F13A1: variants seen among roughly 807,000 people sequenced by gnomAD.
F13A1 encodes coagulation factor XIII A chain.
In F13A1, 47 loss-of-function variants were observed where a neutral mutation model predicts 80.1. The ratio of observed to expected loss-of-function variants is 0.59; its 90% CI spans 0.46 to 0.75. F13A1 has a LOEUF of 0.75. Ranked by LOEUF, F13A1 falls within the 30% of genes least tolerant of loss-of-function variation. F13A1 has a pLI of 0.00. For synonymous variants in F13A1, 349 were observed against 344.9 expected (o/e 1.01, Z -0.13); for missense variants, 817 against 930.4 (o/e 0.88, Z 1.59).
intron 3 of F13A1, among the ~76,000 whole-genome samples, chr6:6,294,124 G>C (rs922083802): frequency 6.6e-5 from 10 of 152,056 alleles, no homozygotes; most frequent in Non-Finnish European, 1.2e-4. Flanking sequence ...GTTTTTTTAA[G>C]TATATAGTGA....
At chr6:6,264,350 T>C (rs905604687) in intron 4 of F13A1, among the ~76,000 whole-genome samples, 1 of 152,214 alleles carries the variant, frequency 6.6e-6, no homozygotes, top group Non-Finnish European at 1.5e-5. Context: ...TGAACAGTTA[T>C]ATGTAGCCTA....
At chr6:6,271,375 T>A (rs1336291557) in intron 3 of F13A1, among the ~76,000 whole-genome samples, 2 of 152,168 alleles carry the variant, frequency 1.3e-5, no homozygotes, top group African/African-American at 2.4e-5. Flanking sequence ...ACAATCCAGC[T>A]ACCCTGGGAA....
intron 8 of F13A1, among the ~76,000 whole-genome samples, chr6:6,207,903 C>T (rs1449580579): frequency 6.6e-6 from 1 of 152,190 alleles, no homozygotes; most frequent in African/African-American, 2.4e-5. Context: ...ACAACAACAA[C>T]AGCAAACATC....
rs140870302 is a variant in F13A1 at position 6,183,165 on chromosome 6, T to C, written c.1306-1024A>G. Among the ~76,000 whole-genome samples the C allele has an allele frequency of 3.0e-4, 45 of 152,318 alleles. 1 individual carries two copies. The East Asian group carries it at 5.6e-3, about 19-fold the overall frequency. ...ATGGAAGCAGGTAGGAAGCATGAAT[T>C]GTACTGCTAATAGTCATTGATGTAT... On this transcript the variant is annotated intron_variant, in intron 10 of 14. Transcript: ENST00000264870.
intron 3 of F13A1, among the ~76,000 whole-genome samples, chr6:6,277,575 G>A (rs1758005546): frequency 6.6e-6 from 1 of 152,188 alleles, no homozygotes; most frequent in Non-Finnish European, 1.5e-5. Flanking sequence ...ATCACCAGAT[G>A]CTGACTAACT....
At chr6:6,254,898 TAA>T (rs1757683350) in intron 4 of F13A1, among the ~76,000 whole-genome samples, 1 of 152,308 alleles carries the variant, frequency 6.6e-6, no homozygotes, top group Non-Finnish European at 1.5e-5. Context: ...TTCCATCAGA[TAA>T]AGTTATTTTC....
rs148922068 is a variant in F13A1, at chr6:6,280,572, T to G, written c.320-13763A>C. Among the ~76,000 whole-genome samples the G allele has an allele frequency of 8.3e-4, 126 of 152,342 alleles. 1 individual carries two copies. The highest frequency in any genetic ancestry group is 2.8e-3 in the African/African-American group (117 of 41,570). On this transcript the variant is annotated intron_variant, in intron 3 of 14. Coordinates refer to ENST00000264870, the MANE Select transcript of F13A1 (RefSeq NM_000129.4). Reference sequence around the variant, plus strand: ...ACTTTTAAAAAACTGTATTCAAGCCTAGTTTTTTGCAAGTGACATAGATAA... The same window carrying G: ...ACTTTTAAAAAACTGTATTCAAGCCGAGTTTTTTGCAAGTGACATAGATAA...
intron 3 of F13A1, among the ~76,000 whole-genome samples, chr6:6,268,114 A>G (rs1213405391): frequency 6.6e-6 from 1 of 152,250 alleles, no homozygotes; most frequent in Non-Finnish European, 1.5e-5. Flanking sequence ...TAATTTAAAG[A>G]CTACTTCTGA....
At chr6:6,234,386 G>A (rs1455885661) in intron 6 of F13A1, among the ~76,000 whole-genome samples, 1 of 151,894 alleles carries the variant, frequency 6.6e-6, no homozygotes, top group Non-Finnish European at 1.5e-5. Context: ...AGGGAATATG[G>A]TACCTATCAT....
intron 4 of F13A1, among the ~76,000 whole-genome samples, chr6:6,256,157 T>A (rs1438701268): frequency 6.6e-6 from 1 of 152,056 alleles, no homozygotes; most frequent in Non-Finnish European, 1.5e-5. Context: ...GCTCGACTAA[T>A]AGGAAAAACA....
At chr6:6,147,137 G>T (rs185632204) in intron 14 of F13A1, among the ~76,000 whole-genome samples, 116 of 152,250 alleles carry the variant, frequency 7.6e-4, no homozygotes, top group Middle Eastern at 3.4e-3. Context: ...GAACAATGAC[G>T]CAATGGTCTT....
chr6:6,320,596 C>T lies in F13A1; in HGVS notation c.-28G>A, dbSNP rs886061662. 3 of 469,080 alleles carry T rather than the reference C, an allele frequency of 6.4e-6. No individual in the cohort carries two copies. The highest frequency in any genetic ancestry group is 1.3e-5 in the Non-Finnish European group (3 of 225,994). 29.1% of individuals were successfully genotyped at this position (469,080 alleles called of 1,614,324 possible). Reference sequence around the variant, plus strand: ...AGGGTCGGTGGCTTACCTGCAGGCGCTCCCCTCCAGAGGTGCCCTCGCGTG... The same window carrying T: ...AGGGTCGGTGGCTTACCTGCAGGCGTTCCCCTCCAGAGGTGCCCTCGCGTG... On this transcript the variant is annotated 5_prime_UTR_variant, in exon 1 of 15. Coordinates refer to ENST00000264870, the MANE Select transcript of F13A1 (RefSeq NM_000129.4).
intron 3 of F13A1, among the ~76,000 whole-genome samples, chr6:6,282,537 A>G (rs1758080918): frequency 6.6e-6 from 1 of 152,236 alleles, no homozygotes; most frequent in African/African-American, 2.4e-5. Context: ...CTATAAAAGG[A>G]ACAAAGAATA....
intron 6 of F13A1, among the ~76,000 whole-genome samples, chr6:6,232,668 A>C (rs1390356316): frequency 6.6e-6 from 1 of 151,304 alleles, no homozygotes. Flanking sequence ...TCAACAGTGC[A>C]TAAAACTTTC....
chr6:6,260,390 G>A (rs1757762257), intron 4 of F13A1, among the ~76,000 whole-genome samples: 1 of 152,182 alleles, frequency 6.6e-6, no homozygotes. Flanking sequence ...TTGTTCACCT[G>A]GCTGTCTTTT....
chr6:6,232,357 G>A (rs951599006), intron 6 of F13A1, among the ~76,000 whole-genome samples: 5 of 152,108 alleles, frequency 3.3e-5, no homozygotes, highest in South Asian at 4.1e-4. Flanking sequence ...GAGACAAAGA[G>A]GGACATTATA....
rs541880920 is a variant in F13A1, at chr6:6,212,125, T to C, written c.1112+9908A>G. Among the ~76,000 whole-genome samples the C allele has an allele frequency of 3.3e-3, 501 of 152,252 alleles. 5 individuals are homozygous for C. The highest frequency in any genetic ancestry group is 0.011 in the African/African-American group (473 of 41,546). On this transcript the variant is annotated intron_variant, in intron 8 of 14. Transcript: ENST00000264870. ...GGAGGGGCGCCCGCCATTGCCCAGG[T>C]TTGCTTAGGTAAACAAAGCGGCCAG...
chr6:6,195,150 C>T (rs926524443), intron 10 of F13A1, among the ~76,000 whole-genome samples: 1 of 152,200 alleles, frequency 6.6e-6, no homozygotes, highest in African/African-American at 2.4e-5. Flanking sequence ...CTTGAGTATC[C>T]TTTAACAGCC....
intron 8 of F13A1, among the ~76,000 whole-genome samples, chr6:6,220,840 G>A (rs568093408): frequency 4.6e-5 from 7 of 152,186 alleles, no homozygotes; most frequent in East Asian, 1.9e-4. Context: ...CCAATGAACC[G>A]AACTATTTTT....
Sources: allele counts gnomAD v4.1 joint callset (sites outside exome capture counted in the v4.1 genomes callset), GRCh38; gene constraint gnomAD v4.1.1; transcripts MANE v1.5; gene names NCBI Gene and HGNC (gene_info 2026-07-23, HGNC 2026-07-21).